Variants in SLC20A2 observed in about 807,000 individuals in gnomAD.
The protein encoded by SLC20A2 is solute carrier family 20 member 2, also known as sodium-dependent phosphate transporter 2.
Under a neutral mutation model 61.0 loss-of-function variants are expected in SLC20A2, and 30 were observed. That is an observed-to-expected ratio of 0.49 (90% CI 0.37 to 0.67). SLC20A2 has a LOEUF of 0.67. Among genes scored for constraint, SLC20A2 ranks in the 30% least tolerant of loss-of-function variants. SLC20A2 has a pLI of 0.00. For synonymous variants in SLC20A2, 351 were observed against 353.3 expected (o/e 0.99, Z 0.07); for missense variants, 626 against 866.4 (o/e 0.72, Z 3.48).
intron 10 of SLC20A2, among the ~76,000 whole-genome samples, chr8:42,418,175 A>G (rs1300306670): frequency 2.6e-5 from 4 of 152,120 alleles, no homozygotes; most frequent in Non-Finnish European, 5.9e-5. Flanking sequence ...TAGTTGTTTT[A>G]TATAGTTGTT....
In SLC20A2 at chr8:42,472,141, C is replaced by T; in HGVS notation, c.250G>A (p.Val84Met). 1 of 1,613,724 alleles carries T rather than the reference C, an allele frequency of 6.2e-7. No homozygotes were observed. The highest frequency in any genetic ancestry group is 8.5e-7 in the Non-Finnish European group (1 of 1,180,036). The stretch of plus-strand genomic sequence containing the variant: ...ACTTCCCCAGCCATGAGAGTCTCCA[C>T]CGTCTCGTTGTACAGGTTCACGTCA... Reference protein sequence around the residue: ...IIDVNLYNETVETLMAGEVSA... With the variant: ...IIDVNLYNETMETLMAGEVSA... Residue 84 changes from valine (V) to methionine (M), a missense_variant, in exon 2 of 11, where the codon GTG (valine) becomes ATG (methionine). This residue lies in a region of SLC20A2 where 127 missense variants were observed against 215.4 expected (regional missense o/e 0.59). Coordinates refer to ENST00000520262, the MANE Select transcript of SLC20A2 (RefSeq NM_001257180.2). This position sits in a 1 kb window ranked among gnomAD's most constrained non-coding sequence, Gnocchi z 4.1.
chr8:42,532,493 G>C lies in SLC20A2; in HGVS notation c.-265+9328C>G, dbSNP rs904517725. Among the ~76,000 whole-genome samples the C allele has an allele frequency of 2.0e-5, 3 of 152,134 alleles. No homozygotes were observed. In the East Asian group the frequency reaches 5.8e-4, roughly 29 times the overall value. On this transcript the variant is annotated intron_variant, in intron 1 of 10. Transcript: ENST00000342228. ...TCTTTAAAGTAGTATTAGTCTTCTA[G>C]AATACTAATCTAATTCTTAGAAACA...
chr8:42,431,308 TAGA>T (rs1423090463), intron 8 of SLC20A2, among the ~76,000 whole-genome samples: 1 of 152,162 alleles, frequency 6.6e-6, no homozygotes, highest in African/African-American at 2.4e-5. Flanking sequence ...GTGGTCTGGA[TAGA>T]AGATCAAACC....
At position 42,434,156 on chromosome 8, in the gene SLC20A2, G is replaced by A. The variant is rs1051164468; in HGVS notation, c.1523+2833C>T. ...GGCTGGAGTGCAGTGGTGTAATTTC[G>A]GCTCACTGCAACCTCCGCCTTCTGG... is the stretch of plus-strand genomic sequence containing the variant. On this transcript the variant is annotated intron_variant, in intron 8 of 10. Coordinates refer to ENST00000520262, the MANE Select transcript of SLC20A2 (RefSeq NM_001257180.2). Among the ~76,000 whole-genome samples, 5 of 149,178 alleles carry A rather than the reference G, an allele frequency of 3.4e-5. No individual in the cohort carries two copies. In the South Asian group the frequency reaches 6.5e-4, roughly 19 times the overall value.
intron 2 of SLC20A2, among the ~76,000 whole-genome samples, chr8:42,466,930 A>G (rs1049989309): frequency 6.6e-6 from 1 of 152,204 alleles, no homozygotes; most frequent in Non-Finnish European, 1.5e-5. Flanking sequence ...TCAGCCTCCC[A>G]AAGCCCTGGG....
intron 1 of SLC20A2, among the ~76,000 whole-genome samples, chr8:42,510,199 A>G (rs1402969441): frequency 6.6e-6 from 1 of 152,196 alleles, no homozygotes; most frequent in Non-Finnish European, 1.5e-5. Flanking sequence ...GGATTATACT[A>G]AAAACAAAAA....
chr8:42,527,093 G>C (rs1487048744), intron 1 of SLC20A2, among the ~76,000 whole-genome samples: 1 of 147,470 alleles, frequency 6.8e-6, no homozygotes, highest in African/African-American at 2.5e-5. Context: ...AACAGAGTAA[G>C]AGCCTGTCTC....
At chr8:42,539,664 T>C (rs997484341) in intron 1 of SLC20A2, among the ~76,000 whole-genome samples, 3 of 152,342 alleles carry the variant, frequency 2.0e-5, no homozygotes, top group Non-Finnish European at 2.9e-5. Flanking sequence ...TGTTTCATTA[T>C]GTTTGTTTAC....
chr8:42,451,736 AG>A (rs1462861413), intron 5 of SLC20A2, among the ~76,000 whole-genome samples: 4 of 125,744 alleles, frequency 3.2e-5, no homozygotes, highest in African/African-American at 1.2e-4. Flanking sequence ...AAAGAGGAGG[AG>A]GAAAAGATGG....
In SLC20A2 at chr8:42,437,395, G is replaced by A. The variant is rs781183228; in HGVS notation, c.1117C>T (p.Gln373Ter). 6.2e-7 allele frequency: 1 copy of A among 1,614,144 alleles called. No individual in the cohort carries two copies. The highest frequency in any genetic ancestry group is 8.5e-7 in the Non-Finnish European group (1 of 1,180,016). The change falls in exon 8 of 11, where the codon CAG (glutamine) becomes TAG (stop). Residue 373 changes from glutamine to a stop codon, truncating the protein, a stop_gained. Transcript: ENST00000520262. LOFTEE classifies it high-confidence loss of function. This position sits in a 1 kb window ranked among gnomAD's most constrained non-coding sequence, Gnocchi z 6.4. ...IDRGPEEKPA[Q>*]ESNYRLLRRN... The stretch of plus-strand genomic sequence containing the variant: ...CGCAGCAGCCGGTAGTTGCTTTCCT[G>A]GGCTGGCTTCTCCTCGGGGCCCCTG...
chr8:42,504,467 G>A (rs149587615), upstream of SLC20A2, among the ~76,000 whole-genome samples: 3 of 151,966 alleles, frequency 2.0e-5, no homozygotes, highest in Non-Finnish European at 2.9e-5. Flanking sequence ...GAGAAAGAAA[G>A]ACTAAAAGGA....
At chr8:42,528,289 G>A (rs574204403) in intron 1 of SLC20A2, among the ~76,000 whole-genome samples, 8 of 152,046 alleles carry the variant, frequency 5.3e-5, no homozygotes, top group Admixed American at 2.6e-4. Context: ...GTGAAACCCC[G>A]TCTCTACTAA....
At chr8:42,452,874 A>G (rs1053242819) in intron 5 of SLC20A2, among the ~76,000 whole-genome samples, 3 of 152,172 alleles carry the variant, frequency 2.0e-5, no homozygotes, top group African/African-American at 7.2e-5. Flanking sequence ...GGTTAGGGTT[A>G]GAACTTTTGG....
At position 42,444,632 on chromosome 8, in the gene SLC20A2, T is replaced by G. The variant is rs1805057151; in HGVS notation, c.730+14A>C. 6.3e-7 allele frequency: 1 copy of G among 1,592,578 alleles called. No homozygotes were observed. Among genetic ancestry groups the G allele is most frequent in the Non-Finnish European group, 8.6e-7 (1 of 1,161,586 alleles). ...GAGCATTTCTGTAAATCAGAAGAAT[T>G]AAAAGGCCCATACCTGTTATTTTCC... is the stretch of plus-strand genomic sequence containing the variant. On this transcript the variant is annotated intron_variant, in intron 6 of 10. Transcript: ENST00000520262.
At chr8:42,452,333 T>G (rs1192519810) in intron 5 of SLC20A2, among the ~76,000 whole-genome samples, 20 of 94,596 alleles carry the variant, frequency 2.1e-4, no homozygotes, top group African/African-American at 4.2e-4. Context: ...AAGAAAGAGA[T>G]AGGAGGAGGA....
chr8:42,476,539 C>G (rs1395536330), intron 1 of SLC20A2, among the ~76,000 whole-genome samples: 4 of 152,198 alleles, frequency 2.6e-5, no homozygotes, highest in Non-Finnish European at 4.4e-5. Flanking sequence ...GGAAGAGCGG[C>G]TGGCACAAGC....
intron 1 of SLC20A2, among the ~76,000 whole-genome samples, chr8:42,498,185 G>T (rs1810067440): frequency 1.3e-5 from 2 of 152,138 alleles, no homozygotes; most frequent in African/African-American, 2.4e-5. Context: ...AATAATAATA[G>T]TTTTAGGTGC....
In SLC20A2 at chr8:42,433,565, C is replaced by T. The variant is rs113490461; in HGVS notation, c.1524-3316G>A. ...GTCTTGATCTCCTGACCTCATGATC[C>T]GCCCGCCTCAGCCTCCCAAAGTGCT... On this transcript the variant is annotated intron_variant, in intron 8 of 10. Transcript: ENST00000520262. 6.6e-5 allele frequency among the ~76,000 whole-genome samples: 10 copies of T among 152,212 alleles called. 1 individual carries two copies. Among genetic ancestry groups the T allele is most frequent in the African/African-American group, 1.7e-4 (7 of 41,524 alleles).
chr8:42,482,145 ATT>A (rs552772839), intron 1 of SLC20A2, among the ~76,000 whole-genome samples: 1 of 151,706 alleles, frequency 6.6e-6, no homozygotes, highest in African/African-American at 2.4e-5. Context: ...CATGGAAAAT[ATT>A]TTTTTTTAGT....
Sources: allele counts gnomAD v4.1 joint callset (sites outside exome capture counted in the v4.1 genomes callset), GRCh38; gene constraint gnomAD v4.1.1; regional missense constraint gnomAD v4.1.1; non-coding constraint Gnocchi (gnomAD v3.1); transcripts MANE v1.5; gene names NCBI Gene and HGNC (gene_info 2026-07-23, HGNC 2026-07-21).